Variants in PIN4 observed in about 807,000 individuals in gnomAD.
The protein encoded by PIN4 is peptidylprolyl cis/trans isomerase, NIMA-interacting 4.
Under a neutral mutation model 8.3 loss-of-function variants are expected in PIN4, and 3 were observed. That is an observed-to-expected ratio of 0.36 (90% CI 0.16 to 0.93). The LOEUF (loss-of-function observed/expected upper bound fraction) is 0.93, where lower values mean the gene tolerates loss of function less well. Among genes scored for constraint, PIN4 ranks in the 40% least tolerant of loss-of-function variants. The probability of loss-of-function intolerance (pLI) is 0.44; values close to 1 mark genes in which losing one functional copy is unlikely to be tolerated. For missense variants in PIN4, 75 were observed against 100.6 expected (o/e 0.75, Z 1.09); for synonymous variants, 18 against 32.5 (o/e 0.55, Z 1.52).
chrX:72,197,473 C>A lies in PIN4; in HGVS notation c.343C>A (p.Pro115Thr). The change falls in exon 4 of 4, where the codon CCG becomes ACG. Residue 115 changes from proline (P) to threonine (T), a missense_variant. Transcript: ENST00000373669. ...GGATAAGCCTGTGTTTACAGACCCA[C>A]CGGTTAAGACAAAATTTGGATATCA... ...GMDKPVFTDP[P>T]VKTKFGYHII... 8.3e-7 allele frequency: 1 copy of A among 1,206,519 alleles called. No homozygotes were observed. Among genetic ancestry groups the A allele is most frequent in the Non-Finnish European group, 1.1e-6 (1 of 891,409 alleles).
In PIN4 at chrX:72,195,228, G is replaced by T. The variant is rs149509803; in HGVS notation, c.118-1557G>T. Among the ~76,000 whole-genome samples, 404 of 112,333 alleles carry T rather than the reference G, an allele frequency of 3.6e-3. 4 individuals are homozygous for T. Among genetic ancestry groups the T allele is most frequent in the African/African-American group, 0.013 (387 of 30,835 alleles). The stretch of plus-strand genomic sequence containing the variant: ...TGTTTTTTTAAATCCATGGCTTTAT[G>T]TAAACATAGGTCAAATTTGAATACT... On this transcript the variant is annotated intron_variant, in intron 2 of 3. Coordinates refer to ENST00000373669, the MANE Select transcript of PIN4 (RefSeq NM_006223.4).
At chrX:72,216,989 G>T (rs2042890440) in intron 3 of PIN4, among the ~76,000 whole-genome samples, 1 of 112,323 alleles carries the variant, frequency 8.9e-6, no homozygotes, top group African/African-American at 3.2e-5. Context: ...AACATTGGCT[G>T]GTAGGATACC....
intron 2 of PIN4, among the ~76,000 whole-genome samples, chrX:72,193,940 G>A (rs1250480693): frequency 1.8e-5 from 2 of 111,237 alleles, no homozygotes; most frequent in South Asian, 7.3e-4. Flanking sequence ...TTGTACAGTT[G>A]CACAATGTGT....
chrX:72,206,397 G>A, intron 3 of PIN4: 2 of 1,209,652 alleles, frequency 1.7e-6, no homozygotes, highest in Non-Finnish European at 2.2e-6. Flanking sequence ...CCTTTATACT[G>A]GAGAGATCTT....
intron 3 of PIN4, among the ~76,000 whole-genome samples, chrX:72,223,758 A>C (rs1361471552): frequency 9.0e-6 from 1 of 111,442 alleles, no homozygotes; most frequent in Non-Finnish European, 1.9e-5. Context: ...TGCTGTCCAA[A>C]GGTCAGTTAC....
intron 3 of PIN4, among the ~76,000 whole-genome samples, chrX:72,240,548 C>G (rs1041216870): frequency 2.7e-5 from 3 of 111,147 alleles, no homozygotes; most frequent in African/African-American, 9.8e-5. Flanking sequence ...GCTCACTGAA[C>G]CTGTAATCCC....
intron 3 of PIN4, among the ~76,000 whole-genome samples, chrX:72,261,899 T>C (rs10127269): frequency 0.16 from 17,271 of 109,871 alleles, 1,873 homozygotes; most frequent in East Asian, 0.47. Flanking sequence ...TACACCCTCA[T>C]TCCCAGGTGT....
rs1385071582 is a variant in PIN4, at chrX:72,197,829, A to C, written c.*303A>C. 3 of 782,227 alleles carry C rather than the reference A, an allele frequency of 3.8e-6. No individual in the cohort carries two copies. Among genetic ancestry groups the C allele is most frequent in the Non-Finnish European group, 4.6e-6 (3 of 656,566 alleles). 64.5% of individuals were successfully genotyped at this position (782,227 alleles called of 1,213,427 possible). ...TATCTGACTCTCAGTCTGTCCCATA[A>C]ATTAATTCAGAAACCATCTTCAGGG... On this transcript the variant is annotated 3_prime_UTR_variant, in exon 4 of 4. Transcript: ENST00000373669.
rs138183367 is a variant in PIN4, at chrX:72,258,442, C to A, written c.313-4265C>A. 3.5e-3 allele frequency among the ~76,000 whole-genome samples: 398 copies of A among 112,184 alleles called. 2 individuals carry two copies. Among genetic ancestry groups the A allele is most frequent in the African/African-American group, 0.012 (381 of 30,872 alleles). On this transcript the variant is annotated intron_variant, in intron 3 of 3. Transcript: ENST00000423432. The stretch of plus-strand genomic sequence containing the variant: ...CGCACACTGATTGCAAACATATGGC[C>A]CCCAAGGAAGAGACTCTCCAAAAGG...
chrX:72,236,226 G>A (rs2043016340), intron 3 of PIN4, among the ~76,000 whole-genome samples: 3 of 112,105 alleles, frequency 2.7e-5, no homozygotes, highest in South Asian at 7.5e-4. Context: ...GCCTGAGTTG[G>A]GAGGATCACT....
chrX:72,186,293 T>C (rs1368445867), intron 1 of PIN4, 168 bp from the exon 2 acceptor site: 1 of 506,091 alleles, frequency 2.0e-6, no homozygotes, highest in African/African-American at 2.3e-5. Flanking sequence ...TCTTCCATTG[T>C]GGCCCAGGGA....
chrX:72,205,169 A>G, intron 3 of PIN4: 1 of 1,211,468 alleles, frequency 8.3e-7, no homozygotes, highest in African/African-American at 1.7e-5. Flanking sequence ...AGAGTCTCAT[A>G]GTCATTTGTA....
chrX:72,194,701 C>CAAAA (rs56123643), intron 2 of PIN4, among the ~76,000 whole-genome samples: 2 of 50,142 alleles, frequency 4.0e-5, no homozygotes, highest in African/African-American at 5.9e-5. Context: ...AACTCCATCT[C>CAAAA]AAAAAAAAAA....
intron 3 of PIN4, chrX:72,237,690 G>C (rs1349705238): frequency 3.7e-5 from 4 of 108,407 alleles, no homozygotes; most frequent in Non-Finnish European, 7.7e-5. Flanking sequence ...TGAGCCCCGG[G>C]GGATGGAAGT....
rs1008997205 is a variant in PIN4 at position 72,248,620 on chromosome X, G to C, written c.313-14087G>C. 2.7e-5 allele frequency among the ~76,000 whole-genome samples: 3 copies of C among 112,552 alleles called. No individual in the cohort carries two copies. In the Admixed American group the frequency reaches 2.8e-4, roughly 11 times the overall value. On this transcript the variant is annotated intron_variant, in intron 3 of 3. Coordinates refer to the PIN4 transcript ENST00000423432. ...CAGCCAGGTGCAGTGGCTCATGCCTGTAATCCCATCACTTTGGGAGGCCAA... is the reference window on the plus strand; with the variant it reads ...CAGCCAGGTGCAGTGGCTCATGCCTCTAATCCCATCACTTTGGGAGGCCAA...
intron 2 of PIN4, among the ~76,000 whole-genome samples, chrX:72,195,269 G>A (rs1238124330): frequency 1.8e-5 from 2 of 111,814 alleles, no homozygotes; most frequent in South Asian, 3.7e-4. Flanking sequence ...AGGGTTGGGC[G>A]TTCTTAATAT....
intron 2 of PIN4, among the ~76,000 whole-genome samples, chrX:72,189,289 T>C (rs2042720005): frequency 8.9e-6 from 1 of 112,116 alleles, no homozygotes; most frequent in Non-Finnish European, 1.9e-5. Context: ...GTAGTCAAGA[T>C]ACAGACAATC....
At chrX:72,229,583 C>T (rs1310689953) in intron 3 of PIN4, among the ~76,000 whole-genome samples, 3 of 111,728 alleles carry the variant, frequency 2.7e-5, no homozygotes, top group Non-Finnish European at 5.6e-5. Flanking sequence ...CCTGTATACA[C>T]GACAAAGGCC....
intron 3 of PIN4, among the ~76,000 whole-genome samples, chrX:72,243,292 A>G (rs937217280): frequency 4.5e-5 from 5 of 112,302 alleles, no homozygotes; most frequent in African/African-American, 1.6e-4. Context: ...TCCAGCCTCT[A>G]CAAGAGCAAA....
Sources: allele counts gnomAD v4.1 joint callset (sites outside exome capture counted in the v4.1 genomes callset), GRCh38; gene constraint gnomAD v4.1.1; transcripts MANE v1.5; gene names NCBI Gene and HGNC (gene_info 2026-07-23, HGNC 2026-07-21).